The following RALGAPB variants were observed in gnomAD, a reference collection of about 807,000 sequenced individuals.
RALGAPB encodes the protein Ral GTPase activating protein non-catalytic subunit beta.
In RALGAPB, 25 loss-of-function variants were observed where a neutral mutation model predicts 161.1. The observed-to-expected ratio is 0.16, with a 90% CI of 0.11 to 0.22. The LOEUF is 0.22. Ranked by LOEUF, RALGAPB falls within the 10% of genes least tolerant of loss-of-function variation. The probability of loss-of-function intolerance (pLI) is 1.00; values close to 1 mark genes in which losing one functional copy is unlikely to be tolerated. For missense variants in RALGAPB, 1,391 were observed against 1,815.2 expected (o/e 0.77, Z 4.25); for synonymous variants, 629 against 626.1 (o/e 1.00, Z -0.07).
intron 22 of RALGAPB, among the ~76,000 whole-genome samples, chr20:38,555,828 A>G (rs1407458573): frequency 6.6e-6 from 1 of 152,224 alleles, no homozygotes; most frequent in Non-Finnish European, 1.5e-5. Context: ...GCTCATACAT[A>G]CAGAACTACA....
At chr20:38,546,742 G>A (rs1226962134) in intron 19 of RALGAPB, 1 of 301,138 alleles carries the variant, frequency 3.3e-6, no homozygotes, top group African/African-American at 2.1e-5. Flanking sequence ...TTCGGATCCT[G>A]CCCCTCTGCT....
At chr20:38,522,093 G>C (rs754521593) in intron 10 of RALGAPB, among the ~76,000 whole-genome samples, 3 of 152,238 alleles carry the variant, frequency 2.0e-5, no homozygotes, top group Non-Finnish European at 4.4e-5. Context: ...ATGTAACAAT[G>C]ATCCAGCAGG....
intron 1 of RALGAPB, among the ~76,000 whole-genome samples, chr20:38,476,416 T>C (rs2084805135): frequency 6.6e-6 from 1 of 152,228 alleles, no homozygotes; most frequent in Non-Finnish European, 1.5e-5. Context: ...TGGTCAAGGC[T>C]ACATGGTTAG....
At chr20:38,510,222 G>T in intron 6 of RALGAPB, among the ~76,000 whole-genome samples, 1 of 151,788 alleles carries the variant, frequency 6.6e-6, no homozygotes. Flanking sequence ...TGCCCAGGCG[G>T]TCTCAAACTC....
rs148707154 is a variant in RALGAPB, at chr20:38,522,192, C to T, written c.1619+494C>T. Among the ~76,000 whole-genome samples, 767 of 152,288 alleles carry T rather than the reference C, an allele frequency of 5.0e-3. 6 individuals are homozygous for T. The highest frequency in any genetic ancestry group is 0.018 in the African/African-American group (728 of 41,558). ...GCACATTTATTTACTGTAGGGGATT[C>T]AGGAAAGAGTTTTGGGGGATTAAAT... On this transcript the variant is annotated intron_variant, in intron 10 of 29. Transcript: ENST00000262879.
chr20:38,546,154 C>T (rs2087154777), intron 18 of RALGAPB, 89 bp from the exon 19 acceptor site: 3 of 1,581,518 alleles, frequency 1.9e-6, no homozygotes, highest in Non-Finnish European at 2.6e-6. Context: ...AATTAAAATT[C>T]AGAAGAGTGG....
At position 38,577,748 on chromosome 20, in the gene RALGAPB, C is replaced by T. The variant is rs1445319509; in HGVS notation, c.*2781C>T. The T allele has an allele frequency of 6.6e-6, 1 of 152,086 alleles. No homozygotes were observed. The highest frequency in any genetic ancestry group is 1.5e-5 in the Non-Finnish European group (1 of 68,392). The allele number at this position is 152,086 out of a possible 1,614,324, so 9.4% of individuals were successfully genotyped here. A position where few individuals can be genotyped will look rare whatever the true frequency, so the allele number is the denominator to read the frequency against. On this transcript the variant is annotated 3_prime_UTR_variant, in exon 30 of 30. Coordinates refer to ENST00000262879, the MANE Select transcript of RALGAPB (RefSeq NM_020336.4). ...ACACACACACTCGCATACTCATGCA[C>T]ATTTTCCTTCATTTCCAGATCCTTT...
At chr20:38,486,420 T>C (rs752214907) in intron 1 of RALGAPB, among the ~76,000 whole-genome samples, 1 of 152,220 alleles carries the variant, frequency 6.6e-6, no homozygotes, top group Non-Finnish European at 1.5e-5. Context: ...ATTAAACCTA[T>C]TTTGATTGGT....
chr20:38,565,315 C>G, intron 24 of RALGAPB, 44 bp from the exon 25 acceptor site: 1 of 1,593,418 alleles, frequency 6.3e-7, no homozygotes, highest in South Asian at 1.1e-5. Flanking sequence ...CTGGTTTTTT[C>G]CTACTTTTTG....
chr20:38,562,646 T>G lies in RALGAPB; in HGVS notation c.3646T>G (p.Ser1216Ala). Residue 1216 changes from serine (S) to alanine (A), a missense_variant, in exon 24 of 30, where the codon TCT becomes GCT. Coordinates refer to ENST00000262879, the MANE Select transcript of RALGAPB (RefSeq NM_020336.4). ...GRHPGWTGHV[S>A]TSWSINCCDD... ...ACACCCTGGTTGGACTGGGCATGTT[T>G]CTACCAGTTGGTCTATTAATTGTTG... 3 of 1,613,944 alleles carry G rather than the reference T, an allele frequency of 1.9e-6. No homozygotes were observed. The highest frequency in any genetic ancestry group is 2.5e-6 in the Non-Finnish European group (3 of 1,179,926).
chr20:38,535,436 A>G (rs1377033360), intron 16 of RALGAPB, among the ~76,000 whole-genome samples: 2 of 152,250 alleles, frequency 1.3e-5, no homozygotes, highest in Non-Finnish European at 2.9e-5. Context: ...CCGTTAAATT[A>G]TAGGAAACAT....
intron 19 of RALGAPB, among the ~76,000 whole-genome samples, 157 bp from the exon 20 acceptor site, chr20:38,548,532 T>C (rs73294730): frequency 0.12 from 18,775 of 152,244 alleles, 3,210 homozygotes; most frequent in African/African-American, 0.38. Flanking sequence ...TACACGGGTA[T>C]GGGTACGGCA....
intron 1 of RALGAPB, among the ~76,000 whole-genome samples, chr20:38,477,960 A>C (rs563982289): frequency 3.0e-4 from 46 of 152,154 alleles, no homozygotes; most frequent in Non-Finnish European, 5.9e-4. Flanking sequence ...TGTCTCTATA[A>C]AAATTTTTCT....
At chr20:38,537,604 T>C (rs2086846733) in intron 16 of RALGAPB, among the ~76,000 whole-genome samples, 1 of 152,248 alleles carries the variant, frequency 6.6e-6, no homozygotes, top group South Asian at 2.1e-4. Context: ...TGCTGTTCTT[T>C]AGTAAACACT....
rs2088389224 is a variant in RALGAPB at position 38,575,095 on chromosome 20, T to C, written c.*128T>C. On this transcript the variant is annotated 3_prime_UTR_variant, in exon 30 of 30. Coordinates refer to ENST00000262879, the MANE Select transcript of RALGAPB (RefSeq NM_020336.4). ...AGAGCTTACTGTTTAATCACCAGAA[T>C]AGAAGAAACACATTATAACCCATTT... The C allele has an allele frequency of 2.5e-6, 2 of 806,996 alleles. No homozygotes were observed. Among genetic ancestry groups the C allele is most frequent in the South Asian group, 1.8e-5 (1 of 56,160 alleles). The allele number at this position is 806,996 out of a possible 1,614,324, so 50.0% of individuals were successfully genotyped here.
chr20:38,541,925 C>T (rs56175431), intron 18 of RALGAPB, among the ~76,000 whole-genome samples: 5 of 152,192 alleles, frequency 3.3e-5, no homozygotes, highest in Admixed American at 6.5e-5. Flanking sequence ...AAAGGCACCA[C>T]GACTGCTGTT....
At chr20:38,480,128 T>C (rs1426209375) in intron 1 of RALGAPB, among the ~76,000 whole-genome samples, 1 of 151,480 alleles carries the variant, frequency 6.6e-6, no homozygotes, top group Non-Finnish European at 1.5e-5. Flanking sequence ...ATTACAGGTG[T>C]GTGCCACCAT....
intron 6 of RALGAPB, among the ~76,000 whole-genome samples, chr20:38,510,868 C>T (rs1389764833): frequency 8.3e-6 from 1 of 119,872 alleles, no homozygotes. Flanking sequence ...CGAGATTGCG[C>T]CACTGCACTC....
At chr20:38,493,349 C>G (rs892420964) in intron 3 of RALGAPB, among the ~76,000 whole-genome samples, 2 of 152,162 alleles carry the variant, frequency 1.3e-5, no homozygotes, top group Non-Finnish European at 2.9e-5. Context: ...AGGTTTTTAG[C>G]TTTGCTTCTA....
Sources: gnomAD v4.1 joint callset for allele counts (sites outside exome capture counted in the v4.1 genomes callset) on GRCh38, gnomAD v4.1.1 for gene constraint, MANE v1.5 for transcripts, NCBI Gene and HGNC (gene_info 2026-07-23, HGNC 2026-07-21) for gene names.